TMPRSS11A: variants seen among roughly 807,000 people sequenced by gnomAD.
The protein encoded by TMPRSS11A is transmembrane serine protease 11A, also known as transmembrane protease serine 11A.
Under a neutral mutation model 58.9 loss-of-function variants are expected in TMPRSS11A, and 53 were observed. The observed-to-expected ratio is 0.90, with a 90% CI of 0.72 to 1.13. TMPRSS11A has a LOEUF of 1.13. Among genes scored for constraint, TMPRSS11A ranks in the 50% most tolerant of loss-of-function variants. TMPRSS11A has a pLI of 0.00. For synonymous variants in TMPRSS11A, 167 were observed against 169.8 expected, an observed-to-expected ratio of 0.98 and a Z score of 0.13; for missense variants, 493 against 499.3, an observed-to-expected ratio of 0.99 and a Z score of 0.12.
intron 3 of TMPRSS11A, among the ~76,000 whole-genome samples, chr4:67,939,476 CA>C (rs1464190300): frequency 6.6e-6 from 1 of 152,078 alleles, no homozygotes. Flanking sequence ...TGAGAGTGAA[CA>C]TTCTTGTCTT....
Position 67,936,486 on chromosome 4 carries a change from T to C in TMPRSS11A, c.253-4426A>G, listed in dbSNP as rs372416742. Among the ~76,000 whole-genome samples the C allele has an allele frequency of 1.7e-4, 26 of 152,232 alleles. No individual in the cohort carries two copies. The South Asian group carries it at 2.5e-3, about 15-fold the overall frequency. ...AACTGCCACATCTTTAAGTGCTGTG[T>C]CTATTGGAGAAAGCAGTTGGATCCA... On this transcript the variant is annotated intron_variant, in intron 3 of 9. Transcript: ENST00000508048.
At chr4:67,961,464 T>C (rs1328420212) in intron 1 of TMPRSS11A, among the ~76,000 whole-genome samples, 1 of 149,358 alleles carries the variant, frequency 6.7e-6, no homozygotes, top group East Asian at 2.0e-4. Flanking sequence ...TTTCTTTTCT[T>C]TCCTTTCCTT....
chr4:67,948,153 T>C (rs760737622), intron 1 of TMPRSS11A, among the ~76,000 whole-genome samples: 2,550 of 141,034 alleles, frequency 0.018, 25 homozygotes, highest in South Asian at 0.03. Context: ...TTTTCTTTTT[T>C]TTTTTTTTTT....
At chr4:67,949,231 C>T (rs548505207) in intron 1 of TMPRSS11A, among the ~76,000 whole-genome samples, 1 of 152,154 alleles carries the variant, frequency 6.6e-6, no homozygotes, top group South Asian at 2.1e-4. Context: ...GACACATAGT[C>T]ACACTGAAAG....
chr4:67,957,642 AT>A (rs982452058), intron 1 of TMPRSS11A, among the ~76,000 whole-genome samples: 4 of 152,108 alleles, frequency 2.6e-5, no homozygotes, highest in African/African-American at 9.7e-5. Context: ...AGTTCAGAAA[AT>A]TTGCATCCTG....
chr4:67,930,092 C>A, intron 4 of TMPRSS11A, 52 bp from the exon 5 acceptor site: 1 of 1,541,724 alleles, frequency 6.5e-7, no homozygotes, highest in Non-Finnish European at 8.8e-7. Flanking sequence ...CTGGAATTGT[C>A]CTTCAGTCTT....
At chr4:67,963,356 C>A in intron 1 of TMPRSS11A, 27 bp downstream of exon 1, 1 of 1,613,038 alleles carries the variant, frequency 6.2e-7, no homozygotes, top group East Asian at 2.2e-5. Context: ...ATCAAACAAG[C>A]CATCTATAAA....
At position 67,919,000 on chromosome 4, in the gene TMPRSS11A, T is replaced by G; in HGVS notation, c.925A>C (p.Thr309Pro). The change falls in exon 8 of 10, where the codon ACA becomes CCA. Residue 309 changes from threonine (T) to proline (P), a missense_variant. Physicochemically the swap from Thr to Pro is conservative, Grantham distance 38. Coordinates refer to ENST00000508048, the MANE Select transcript of TMPRSS11A (RefSeq NM_001114387.2). ...SFQPNLTVHI[T>P]GFGALYYGGE... ...CCATAGTAAAGTGCTCCAAATCCTG[T>G]GATGTGGACAGTCAAATTTGGTTGG... 6.2e-7 allele frequency: 1 copy of G among 1,614,126 alleles called. No homozygotes were observed. Among genetic ancestry groups the G allele is most frequent in the Non-Finnish European group, 8.5e-7 (1 of 1,180,014 alleles).
intron 3 of TMPRSS11A, among the ~76,000 whole-genome samples, chr4:67,937,717 T>G (rs1182341955): frequency 6.6e-6 from 1 of 152,110 alleles, no homozygotes; most frequent in Non-Finnish European, 1.5e-5. Flanking sequence ...AAGGACATGA[T>G]TTCATCCTTT....
At chr4:67,933,488 T>G (rs1720678789) in intron 3 of TMPRSS11A, among the ~76,000 whole-genome samples, 1 of 152,204 alleles carries the variant, frequency 6.6e-6, no homozygotes, top group Admixed American at 6.5e-5. Context: ...TTTATTGACC[T>G]AAAGTATAAA....
chr4:67,929,345 A>G (rs1720551794), intron 5 of TMPRSS11A, among the ~76,000 whole-genome samples: 1 of 152,234 alleles, frequency 6.6e-6, no homozygotes, highest in African/African-American at 2.4e-5. Context: ...CAATGTACAC[A>G]TAGTTTCAGT....
intron 3 of TMPRSS11A, among the ~76,000 whole-genome samples, chr4:67,935,430 T>C (rs1290596247): frequency 6.6e-6 from 1 of 152,230 alleles, no homozygotes; most frequent in African/African-American, 2.4e-5. Flanking sequence ...GGATATTCGT[T>C]AATCTCAAAC....
At chr4:67,933,152 G>T (rs1337949200) in intron 3 of TMPRSS11A, among the ~76,000 whole-genome samples, 1 of 151,664 alleles carries the variant, frequency 6.6e-6, no homozygotes, top group Non-Finnish European at 1.5e-5. Context: ...GCTGTTTCAG[G>T]GATCAAGAAA....
At chr4:67,914,782 G>T in intron 8 of TMPRSS11A, 52 bp from the exon 9 acceptor site, 3 of 1,495,258 alleles carry the variant, frequency 2.0e-6, no homozygotes, top group East Asian at 2.3e-5. Flanking sequence ...TCTTTGGCTA[G>T]AGTGAAGTGA....
intron 1 of TMPRSS11A, among the ~76,000 whole-genome samples, chr4:67,949,290 C>G (rs1270229269): frequency 6.6e-6 from 1 of 151,996 alleles, no homozygotes; most frequent in African/African-American, 2.4e-5. Context: ...TACCCATTGA[C>G]ATACTGATCA....
intron 1 of TMPRSS11A, among the ~76,000 whole-genome samples, chr4:67,947,657 T>A (rs560411758): frequency 5.9e-5 from 9 of 152,320 alleles, no homozygotes; most frequent in Non-Finnish European, 1.5e-5. Flanking sequence ...GGATAAAAAT[T>A]TTTCCACAAT....
At chr4:67,961,478 T>C (rs1721417829) in intron 1 of TMPRSS11A, among the ~76,000 whole-genome samples, 1 of 968 alleles carries the variant, frequency 1.0e-3, no homozygotes, top group Non-Finnish European at 3.4e-3. Flanking sequence ...TTTCCTTTTC[T>C]TTTCCTTTTT....
chr4:67,930,339 C>T (rs536483948), intron 4 of TMPRSS11A, among the ~76,000 whole-genome samples: 3 of 152,306 alleles, frequency 2.0e-5, no homozygotes, highest in African/African-American at 7.2e-5. Flanking sequence ...TTCATGTTTT[C>T]TTAGGCTAAT....
intron 3 of TMPRSS11A, among the ~76,000 whole-genome samples, chr4:67,932,289 G>A (rs2109750243): frequency 6.6e-6 from 1 of 152,198 alleles, no homozygotes; most frequent in Non-Finnish European, 1.5e-5. Context: ...GTCTAGAGGG[G>A]ACCTAGGCAC....
Sources: allele counts gnomAD v4.1 joint callset (sites outside exome capture counted in the v4.1 genomes callset), GRCh38; gene constraint gnomAD v4.1.1; transcripts MANE v1.5; gene names NCBI Gene and HGNC (gene_info 2026-07-23, HGNC 2026-07-21).